The following ERBB4 variants were observed in gnomAD, a reference collection of about 807,000 sequenced individuals.
ERBB4 encodes the protein receptor tyrosine-protein kinase erbB-4.
A neutral mutation model predicts 158.0 loss-of-function variants in ERBB4; 42 were observed. That is an observed-to-expected ratio of 0.27 (90% CI 0.21 to 0.34). ERBB4 has a LOEUF of 0.34. ERBB4 is among the 10% of genes least tolerant of loss of function. ERBB4 has a pLI of 1.00. For synonymous variants in ERBB4, 583 were observed against 558.7 expected, an observed-to-expected ratio of 1.04 and a Z score of -0.61; for missense variants, 1,333 against 1,624.1, an observed-to-expected ratio of 0.82 and a Z score of 3.08.
chr2:212,011,285 T>A (rs1324284356), intron 2 of ERBB4, among the ~76,000 whole-genome samples: 1 of 152,172 alleles, frequency 6.6e-6, no homozygotes, highest in African/African-American at 2.4e-5. Flanking sequence ...GTCCCTCCGT[T>A]TGGGGGTCCC....
At chr2:212,537,397 T>C (rs1383839541) in intron 1 of ERBB4, among the ~76,000 whole-genome samples, 1 of 152,022 alleles carries the variant, frequency 6.6e-6, no homozygotes, top group East Asian at 1.9e-4. Flanking sequence ...CCCAGGAAAC[T>C]CTAGTGTCAG....
chr2:211,981,626 C>G (rs559914333), intron 2 of ERBB4, among the ~76,000 whole-genome samples: 1 of 152,154 alleles, frequency 6.6e-6, no homozygotes, highest in Non-Finnish European at 1.5e-5. Context: ...ATGAAATGGC[C>G]TCCCTTACAT....
chr2:211,568,167 G>A (rs940715385), intron 19 of ERBB4, among the ~76,000 whole-genome samples: 4 of 150,708 alleles, frequency 2.7e-5, no homozygotes, highest in African/African-American at 9.8e-5. Context: ...GTAAGTTTCA[G>A]AGTTTTCTCA....
intron 1 of ERBB4, among the ~76,000 whole-genome samples, chr2:212,189,357 C>A (rs1286999880): frequency 6.6e-6 from 1 of 152,120 alleles, no homozygotes; most frequent in Non-Finnish European, 1.5e-5. Flanking sequence ...CTACTGTTGT[C>A]ATTTCTTCTG....
chr2:211,505,336 C>G (rs549043877), intron 20 of ERBB4, among the ~76,000 whole-genome samples: 1 of 151,772 alleles, frequency 6.6e-6, no homozygotes, highest in Non-Finnish European at 1.5e-5. Context: ...AAAAAATCAG[C>G]CAAGAATCTC....
intron 2 of ERBB4, among the ~76,000 whole-genome samples, chr2:212,072,940 AAAC>A (rs143177646): frequency 2.7e-4 from 41 of 151,744 alleles, no homozygotes; most frequent in African/African-American, 6.3e-4. Context: ...AGCACACATC[AAAC>A]AACAACAACA....
At chr2:211,559,754 A>G (rs73075180) in intron 20 of ERBB4, among the ~76,000 whole-genome samples, 1 of 152,304 alleles carries the variant, frequency 6.6e-6, no homozygotes, top group African/African-American at 2.4e-5. Flanking sequence ...TCGTATCTGC[A>G]TTGTTTACTC....
chr2:211,702,269 G>T, intron 11 of ERBB4, 103 bp from the exon 12 acceptor site: 1 of 857,034 alleles, frequency 1.2e-6, no homozygotes, highest in Non-Finnish European at 2.0e-6. Flanking sequence ...TGTATAAATG[G>T]AAACTGAATC....
At chr2:211,610,702 A>G (rs1303455690) in intron 19 of ERBB4, among the ~76,000 whole-genome samples, 1 of 152,180 alleles carries the variant, frequency 6.6e-6, no homozygotes, top group African/African-American at 2.4e-5. Flanking sequence ...AAATTCACAA[A>G]CTGTAGGTTA....
chr2:211,576,693 G>T (rs1311830183), intron 19 of ERBB4, among the ~76,000 whole-genome samples: 1 of 151,658 alleles, frequency 6.6e-6, no homozygotes, highest in African/African-American at 2.4e-5. Context: ...CAATATCCTA[G>T]GATAAGTCTT....
intron 1 of ERBB4, among the ~76,000 whole-genome samples, chr2:212,404,139 G>A (rs2091282798): frequency 6.6e-6 from 1 of 151,968 alleles, no homozygotes; most frequent in Non-Finnish European, 1.5e-5. Flanking sequence ...AGAGAGAAAA[G>A]CAGAATCCTA....
At chr2:211,922,608 CTG>C (rs896223574) in intron 3 of ERBB4, among the ~76,000 whole-genome samples, 2 of 152,000 alleles carry the variant, frequency 1.3e-5, no homozygotes, top group Non-Finnish European at 2.9e-5. Context: ...AATAATATAA[CTG>C]AGTAAATTAA....
intron 1 of ERBB4, among the ~76,000 whole-genome samples, chr2:212,495,535 T>A (rs994191843): frequency 6.6e-6 from 1 of 152,324 alleles, no homozygotes; most frequent in South Asian, 2.1e-4. Context: ...CAAGTTTGTA[T>A]TGACAAAAAA....
At chr2:212,049,486 C>G (rs1316851976) in intron 2 of ERBB4, among the ~76,000 whole-genome samples, 2 of 151,986 alleles carry the variant, frequency 1.3e-5, no homozygotes. Context: ...ACTAGAGGAC[C>G]AGGCTTTTTG....
At chr2:211,528,607 G>A (rs1394742494) in intron 20 of ERBB4, among the ~76,000 whole-genome samples, 1 of 151,862 alleles carries the variant, frequency 6.6e-6, no homozygotes, top group Non-Finnish European at 1.5e-5. Context: ...CATATGTTAT[G>A]GCACAAAACA....
At chr2:212,286,594 C>CTTTTTTTTTTTTTTTTTTTTTTTT in intron 1 of ERBB4, among the ~76,000 whole-genome samples, 1 of 55,540 alleles carries the variant, frequency 1.8e-5, no homozygotes, top group African/African-American at 5.8e-5. Flanking sequence ...TAAGTGCTGA[C>CTTTTTTTTTTTTTTTTTTTTTTTT]TTTTTTTTTT....
intron 4 of ERBB4, among the ~76,000 whole-genome samples, chr2:211,753,036 T>C (rs2075179533): frequency 1.3e-5 from 2 of 152,256 alleles, no homozygotes; most frequent in Non-Finnish European, 2.9e-5. Context: ...GAATCTGTCC[T>C]AGTACTCAGT....
intron 16 of ERBB4, among the ~76,000 whole-genome samples, chr2:211,648,345 T>C (rs2070857098): frequency 6.6e-6 from 1 of 151,722 alleles, no homozygotes; most frequent in Admixed American, 6.6e-5. Context: ...TCATAATAAA[T>C]AATCATGCAT....
chr2:212,148,300 A>T (rs2080751826), intron 1 of ERBB4, among the ~76,000 whole-genome samples: 1 of 152,168 alleles, frequency 6.6e-6, no homozygotes, highest in Non-Finnish European at 1.5e-5. Flanking sequence ...TACAAAGAGG[A>T]ATATACTTAT....
Sources: gnomAD v4.1 joint callset for allele counts (sites outside exome capture counted in the v4.1 genomes callset) on GRCh38, gnomAD v4.1.1 for gene constraint, MANE v1.5 for transcripts, NCBI Gene and HGNC (gene_info 2026-07-23, HGNC 2026-07-21) for gene names.